Variants in AGBL4 observed in about 807,000 individuals in gnomAD.
AGBL4 encodes the protein AGBL carboxypeptidase 4.
In AGBL4, 58 loss-of-function variants were observed where a neutral mutation model predicts 66.4. That is an observed-to-expected ratio of 0.87 (90% CI 0.71 to 1.09). AGBL4 has a LOEUF of 1.09. Ranked by LOEUF, AGBL4 falls within the 50% of genes least tolerant of loss-of-function variation. AGBL4 has a pLI of 0.00. For missense variants in AGBL4, 579 were observed against 631.0 expected (o/e 0.92, Z 0.88); for synonymous variants, 234 against 222.9 (o/e 1.05, Z -0.44).
chr1:49,832,935 T>C (rs1413572963), intron 2 of AGBL4, among the ~76,000 whole-genome samples: 1 of 152,120 alleles, frequency 6.6e-6, no homozygotes, highest in Admixed American at 6.6e-5. Context: ...TTCTCCCATG[T>C]TGTAGGTTGC....
chr1:48,945,068 G>C (rs554930464), intron 5 of AGBL4, among the ~76,000 whole-genome samples: 1 of 152,258 alleles, frequency 6.6e-6, no homozygotes, highest in South Asian at 2.1e-4. Flanking sequence ...CCTGACTTGA[G>C]AGTGGAGAGG....
chr1:49,658,049 C>T (rs1158547271), intron 3 of AGBL4, among the ~76,000 whole-genome samples: 1 of 152,156 alleles, frequency 6.6e-6, no homozygotes, highest in South Asian at 2.1e-4. Context: ...GCAAAAGAAA[C>T]TACCATCAGA....
At chr1:48,589,510 G>A (rs887557579) in intron 10 of AGBL4, among the ~76,000 whole-genome samples, 3 of 151,940 alleles carry the variant, frequency 2.0e-5, no homozygotes, top group Non-Finnish European at 4.4e-5. Flanking sequence ...AAAGGAAAAT[G>A]TGCAAAAGCT....
intron 6 of AGBL4, among the ~76,000 whole-genome samples, chr1:48,681,646 T>C (rs1646456655): frequency 6.6e-6 from 1 of 152,182 alleles, no homozygotes; most frequent in South Asian, 2.1e-4. Context: ...TGACTAATCT[T>C]CTAGGTTTCT....
intron 6 of AGBL4, among the ~76,000 whole-genome samples, chr1:48,809,615 G>T (rs936165309): frequency 1.3e-5 from 2 of 152,154 alleles, no homozygotes; most frequent in Non-Finnish European, 2.9e-5. Flanking sequence ...GCCTTAACAG[G>T]TAGAGGAATG....
intron 3 of AGBL4, among the ~76,000 whole-genome samples, chr1:49,631,323 A>G (rs1048520349): frequency 1.3e-5 from 2 of 152,160 alleles, no homozygotes; most frequent in Non-Finnish European, 2.9e-5. Flanking sequence ...ACCTCTTTGT[A>G]AACTACCAAA....
At chr1:49,689,150 G>A (rs1028734489) in intron 3 of AGBL4, among the ~76,000 whole-genome samples, 8 of 151,978 alleles carry the variant, frequency 5.3e-5, no homozygotes, top group Admixed American at 1.3e-4. Flanking sequence ...CTTTGCCCAC[G>A]CCAATGCCCT....
intron 3 of AGBL4, among the ~76,000 whole-genome samples, chr1:49,286,081 C>A (rs935342073): frequency 4.6e-5 from 7 of 152,148 alleles, no homozygotes; most frequent in Non-Finnish European, 8.8e-5. Flanking sequence ...AAATGTAATC[C>A]AGCATATAAA....
intron 5 of AGBL4, among the ~76,000 whole-genome samples, chr1:48,914,100 G>A (rs988459256): frequency 2.0e-5 from 3 of 152,202 alleles, no homozygotes; most frequent in Admixed American, 6.5e-5. Flanking sequence ...TTGAAGCCAC[G>A]AGAGGGGATC....
chr1:48,524,900 C>T, the AGBL4 span, among the ~76,000 whole-genome samples: 3 of 149,988 alleles, frequency 2.0e-5, no homozygotes, highest in African/African-American at 7.3e-5. Flanking sequence ...CCTAAAGTCT[C>T]ACAACTTCCT....
At chr1:49,686,441 C>A (rs971750857) in intron 3 of AGBL4, among the ~76,000 whole-genome samples, 2 of 152,230 alleles carry the variant, frequency 1.3e-5, no homozygotes, top group African/African-American at 4.8e-5. Flanking sequence ...TCAGCCTTGG[C>A]CCCCTGAAAT....
At chr1:48,853,117 G>C (rs891412300) in intron 6 of AGBL4, among the ~76,000 whole-genome samples, 3 of 152,054 alleles carry the variant, frequency 2.0e-5, no homozygotes, top group Admixed American at 6.6e-5. Flanking sequence ...CACTCTGAAG[G>C]AAGTCAATTG....
intron 3 of AGBL4, among the ~76,000 whole-genome samples, chr1:49,349,207 A>G (rs1356288573): frequency 6.6e-6 from 1 of 152,078 alleles, no homozygotes; most frequent in Non-Finnish European, 1.5e-5. Context: ...CCTTCCTTAT[A>G]TTTCCCATAT....
intron 8 of AGBL4, among the ~76,000 whole-genome samples, chr1:48,635,907 C>A (rs1432644306): frequency 1.3e-5 from 2 of 152,190 alleles, no homozygotes; most frequent in African/African-American, 4.8e-5. Flanking sequence ...CTTCATTTGC[C>A]ATTACAACAT....
chr1:49,315,225 C>T (rs1320864488), intron 3 of AGBL4, among the ~76,000 whole-genome samples: 2 of 152,130 alleles, frequency 1.3e-5, no homozygotes, highest in African/African-American at 2.4e-5. Context: ...CTTCCTTACA[C>T]CTTATACAAA....
chr1:49,741,853 C>T (rs1431182002), intron 2 of AGBL4, among the ~76,000 whole-genome samples: 3 of 152,108 alleles, frequency 2.0e-5, no homozygotes, highest in Non-Finnish European at 4.4e-5. Flanking sequence ...TTCAACAACA[C>T]TTCATGCTAA....
intron 4 of AGBL4, among the ~76,000 whole-genome samples, chr1:49,110,671 G>A (rs560065874): frequency 1.5e-4 from 23 of 152,060 alleles, no homozygotes; most frequent in African/African-American, 5.1e-4. Flanking sequence ...CTGAATTGTC[G>A]GTACTGCTGT....
chr1:50,003,253 C>T lies in AGBL4; in HGVS notation c.34+20510G>A, dbSNP rs574130368. ...ATTAAATTCCCCATAACAAGTTTTG[C>T]TTTTTGAAAATGAGTAAATGAAACT... On this transcript the variant is annotated intron_variant, in intron 1 of 13. Coordinates refer to ENST00000371839, the MANE Select transcript of AGBL4 (RefSeq NM_032785.4). 1.5e-3 allele frequency among the ~76,000 whole-genome samples: 231 copies of T among 152,260 alleles called. 2 individuals are homozygous for T. Among genetic ancestry groups the T allele is most frequent in the Middle Eastern group, 6.8e-3 (2 of 294 alleles).
intron 4 of AGBL4, among the ~76,000 whole-genome samples, chr1:49,107,692 T>TGAGAGAGAGAGAGA (rs1479107593): frequency 8.5e-6 from 1 of 117,832 alleles, no homozygotes; most frequent in African/African-American, 3.4e-5. Flanking sequence ...TGTGTGTGTG[T>TGAGAGAGAGAGAGA]GTGAGAGAGA....
Sources: gnomAD v4.1 joint callset for allele counts (sites outside exome capture counted in the v4.1 genomes callset) on GRCh38, gnomAD v4.1.1 for gene constraint, MANE v1.5 for transcripts, NCBI Gene and HGNC (gene_info 2026-07-23, HGNC 2026-07-21) for gene names.